TMOD1: variants seen among roughly 807,000 people sequenced by gnomAD.
TMOD1 encodes tropomodulin 1.
Under a neutral mutation model 40.6 loss-of-function variants are expected in TMOD1, and 17 were observed. The ratio of observed to expected loss-of-function variants is 0.42; its 90% CI spans 0.29 to 0.63. TMOD1 has a LOEUF of 0.63. TMOD1 is among the 20% of genes least tolerant of loss of function. The pLI is 0.22. For synonymous variants in TMOD1, 181 were observed against 175.0 expected, an observed-to-expected ratio of 1.03 and a Z score of -0.27; for missense variants, 391 against 447.6, an observed-to-expected ratio of 0.87 and a Z score of 1.14.
Position 97,601,504 on chromosome 9 carries a change from A to G in TMOD1, c.*1806A>G, listed in dbSNP as rs1826258775. ...AGCTATCAGAGGAAATCTCTCATAG[A>G]AACGAAACCAAACCAACAGAAAATG... On this transcript the variant is annotated 3_prime_UTR_variant, in exon 10 of 10. Transcript: ENST00000259365. 1.0e-6 allele frequency: 1 copy of G among 989,116 alleles called. No individual in the cohort carries two copies. The highest frequency in any genetic ancestry group is 1.2e-6 in the Non-Finnish European group (1 of 832,130). The allele number at this position is 989,116 out of a possible 1,614,324, so 61.3% of individuals were successfully genotyped here. A position where few individuals can be genotyped will look rare whatever the true frequency, so the allele number is the denominator to read the frequency against.
intron 8 of TMOD1, among the ~76,000 whole-genome samples, chr9:97,589,596 T>G (rs1307504488): frequency 6.6e-6 from 1 of 152,070 alleles, no homozygotes; most frequent in Non-Finnish European, 1.5e-5. Context: ...ACTAATTTTG[T>G]GTAGGGGTGT....
intron 9 of TMOD1, among the ~76,000 whole-genome samples, chr9:97,599,229 A>T (rs1312552286): frequency 6.6e-6 from 1 of 152,228 alleles, no homozygotes; most frequent in Non-Finnish European, 1.5e-5. Flanking sequence ...GTAGGCCAGG[A>T]GCTCCCAGAC....
intron 4 of TMOD1, among the ~76,000 whole-genome samples, chr9:97,559,450 G>A (rs1358413100): frequency 6.6e-6 from 1 of 151,056 alleles, no homozygotes; most frequent in Non-Finnish European, 1.5e-5. Flanking sequence ...CTCAGCAACA[G>A]AATCACCTGA....
intron 1 of TMOD1, among the ~76,000 whole-genome samples, chr9:97,503,089 G>A (rs1224240296): frequency 6.6e-6 from 1 of 152,152 alleles, no homozygotes; most frequent in African/African-American, 2.4e-5. Context: ...GGCCCTCAGC[G>A]TGAGAACCCC....
intron 2 of TMOD1, among the ~76,000 whole-genome samples, chr9:97,536,200 A>G (rs2131235188): frequency 6.6e-6 from 1 of 152,308 alleles, no homozygotes; most frequent in Admixed American, 6.5e-5. Flanking sequence ...GTTTTTCATA[A>G]GGAGAAACCG....
intron 9 of TMOD1, among the ~76,000 whole-genome samples, chr9:97,597,556 G>A (rs1826137005): frequency 6.6e-6 from 1 of 152,014 alleles, no homozygotes; most frequent in Non-Finnish European, 1.5e-5. Flanking sequence ...AAATTAGCTG[G>A]GCATGGCAGT....
intron 1 of TMOD1, among the ~76,000 whole-genome samples, chr9:97,521,664 C>T (rs1829918140): frequency 6.6e-6 from 1 of 152,138 alleles, no homozygotes; most frequent in South Asian, 2.1e-4. Flanking sequence ...CTGAGCATTG[C>T]ATTCTTGGGG....
chr9:97,531,872 G>GCAT (rs1830107733), intron 2 of TMOD1, among the ~76,000 whole-genome samples: 1 of 152,108 alleles, frequency 6.6e-6, no homozygotes, highest in Non-Finnish European at 1.5e-5. Context: ...AGACATCCAA[G>GCAT]CATCAACAAA....
chr9:97,514,239 T>TG (rs1225343903), intron 1 of TMOD1, among the ~76,000 whole-genome samples: 9,999 of 82,080 alleles, frequency 0.12, 478 homozygotes, highest in Non-Finnish European at 0.18. Flanking sequence ...TGTTTTTTTT[T>TG]TGGGGGGGGG....
chr9:97,546,929 CAAAAAAAAAAAA>C (rs71308254), intron 3 of TMOD1, among the ~76,000 whole-genome samples: 1 of 55,188 alleles, frequency 1.8e-5, no homozygotes, highest in Admixed American at 2.2e-4. Context: ...ACTCCGTCTC[CAAAAAAAAAAAA>C]AAAAAAAAAA....
At chr9:97,559,821 ATATGTC>A (rs1301992218) in intron 4 of TMOD1, among the ~76,000 whole-genome samples, 1 of 26,208 alleles carries the variant, frequency 3.8e-5, no homozygotes, top group Non-Finnish European at 7.6e-5. Context: ...ATATATATAT[ATATGTC>A]TATCTATCTA....
At chr9:97,579,683 T>C (rs1342686055) in intron 8 of TMOD1, among the ~76,000 whole-genome samples, 1 of 152,212 alleles carries the variant, frequency 6.6e-6, no homozygotes, top group Non-Finnish European at 1.5e-5. Context: ...TAGAGCAACA[T>C]GTGGCTAGTA....
chr9:97,591,524 C>G (rs901610379), intron 9 of TMOD1, 89 bp downstream of exon 9: 1 of 1,432,620 alleles, frequency 7.0e-7, no homozygotes, highest in African/African-American at 1.4e-5. Context: ...CTGTAGATGC[C>G]TCTCCGAGTC....
chr9:97,558,600 T>C (rs896279623), intron 4 of TMOD1, among the ~76,000 whole-genome samples: 1 of 152,120 alleles, frequency 6.6e-6, no homozygotes. Flanking sequence ...TGTGCCACCA[T>C]GCCCTGCTAA....
intron 8 of TMOD1, among the ~76,000 whole-genome samples, chr9:97,587,097 T>C (rs117769712): frequency 0.014 from 2,155 of 152,356 alleles, 103 homozygotes; most frequent in East Asian, 0.13. Context: ...TTGCTCTTTT[T>C]CACTGGTGAG....
At chr9:97,548,275 A>G (rs997629789) in intron 3 of TMOD1, among the ~76,000 whole-genome samples, 1 of 152,128 alleles carries the variant, frequency 6.6e-6, no homozygotes, top group Non-Finnish European at 1.5e-5. Context: ...TGCTTCATAA[A>G]ATGAGTACGC....
chr9:97,578,585 C>A (rs1386326173), intron 8 of TMOD1, among the ~76,000 whole-genome samples: 1 of 152,080 alleles, frequency 6.6e-6, no homozygotes, highest in Non-Finnish European at 1.5e-5. Context: ...TCCTTTCAGC[C>A]CCAGGTCAAG....
In TMOD1 at chr9:97,553,352, G is replaced by A; in HGVS notation, c.349G>A (p.Glu117Lys). The change falls in exon 4 of 10, where the codon GAG becomes AAG. Residue 117 changes from glutamate (E) to lysine (K), a missense_variant. Glu to Lys is a moderately conservative substitution (Grantham distance 56). Coordinates refer to ENST00000259365, the MANE Select transcript of TMOD1 (RefSeq NM_003275.4). ...LESVTLEPEL[E>K]EALANASDAE... ...AAGTGTGACGCTGGAACCGGAGCTG[G>A]AGGAAGCCTTGGCAAATGCTTCAGA... 1 of 1,614,230 alleles carries A rather than the reference G, an allele frequency of 6.2e-7. No homozygotes were observed.
intron 1 of TMOD1, among the ~76,000 whole-genome samples, chr9:97,508,747 C>T (rs1026470665): frequency 6.6e-6 from 1 of 152,084 alleles, no homozygotes; most frequent in African/African-American, 2.4e-5. Flanking sequence ...CAGGGTCCCC[C>T]CCAAAAGTCA....
Sources: allele counts gnomAD v4.1 joint callset (sites outside exome capture counted in the v4.1 genomes callset), GRCh38; gene constraint gnomAD v4.1.1; transcripts MANE v1.5; gene names NCBI Gene and HGNC (gene_info 2026-07-23, HGNC 2026-07-21).